The following STAU2 variants were observed in gnomAD, a reference collection of about 807,000 sequenced individuals.
The protein encoded by STAU2 is staufen double-stranded RNA binding protein 2.
Under a neutral mutation model 65.9 loss-of-function variants are expected in STAU2, and 20 were observed. The ratio of observed to expected loss-of-function variants is 0.30; its 90% CI spans 0.21 to 0.44. The LOEUF (loss-of-function observed/expected upper bound fraction) is 0.44, where lower values mean the gene tolerates loss of function less well. Ranked by LOEUF, STAU2 falls within the 20% of genes least tolerant of loss-of-function variation. The probability of loss-of-function intolerance (pLI) is 1.00; values close to 1 mark genes in which losing one functional copy is unlikely to be tolerated. For synonymous variants in STAU2, 232 were observed against 233.9 expected, an observed-to-expected ratio of 0.99 and a Z score of 0.07; for missense variants, 558 against 683.9, an observed-to-expected ratio of 0.82 and a Z score of 2.05.
intron 13 of STAU2, among the ~76,000 whole-genome samples, chr8:73,465,473 A>G (rs796099859): frequency 5.3e-5 from 8 of 152,258 alleles, no homozygotes; most frequent in African/African-American, 1.7e-4. Context: ...GTATTACTGT[A>G]TTTCTTAATT....
chr8:73,576,358 G>A (rs1281720359), intron 12 of STAU2, among the ~76,000 whole-genome samples: 1 of 151,626 alleles, frequency 6.6e-6, no homozygotes, highest in Non-Finnish European at 1.5e-5. Context: ...GGCGGGAGAG[G>A]GCAGAATTCC....
At chr8:73,545,140 A>T (rs551639985) in intron 13 of STAU2, among the ~76,000 whole-genome samples, 1 of 152,340 alleles carries the variant, frequency 6.6e-6, no homozygotes, top group Non-Finnish European at 1.5e-5. Context: ...TGCTGAAATT[A>T]TGGAAACCTC....
chr8:73,656,019 G>C (rs1205716866), intron 6 of STAU2, among the ~76,000 whole-genome samples: 1 of 152,058 alleles, frequency 6.6e-6, no homozygotes, highest in African/African-American at 2.4e-5. Context: ...TCCTGACCTT[G>C]TGATCCGCCC....
chr8:73,633,573 T>G (rs796447411), intron 6 of STAU2, among the ~76,000 whole-genome samples: 12 of 152,304 alleles, frequency 7.9e-5, no homozygotes, highest in African/African-American at 2.9e-4. Context: ...GGGCATGATC[T>G]GACCTTGAGG....
At chr8:73,496,255 C>T (rs111988120) in intron 13 of STAU2, among the ~76,000 whole-genome samples, 2,273 of 151,080 alleles carry the variant, frequency 0.015, 26 homozygotes, top group Middle Eastern at 0.037. Flanking sequence ...TTAGAAAATT[C>T]CAAGATGTTT....
At position 73,646,073 on chromosome 8, in the gene STAU2, T is replaced by A. The variant is rs541134568; in HGVS notation, c.410+27034A>T. Among the ~76,000 whole-genome samples the A allele has an allele frequency of 2.6e-5, 4 of 152,234 alleles. No homozygotes were observed. In the South Asian group the frequency reaches 8.3e-4, roughly 32 times the overall value. On this transcript the variant is annotated intron_variant, in intron 6 of 14. Coordinates refer to ENST00000524300, the MANE Select transcript of STAU2 (RefSeq NM_001164380.2). ...AAATAAAAATGTCCCTATTTAAAGATGAAATAATTGTCTGTGTAGAAAGAA... is the reference window on the plus strand; with the variant it reads ...AAATAAAAATGTCCCTATTTAAAGAAGAAATAATTGTCTGTGTAGAAAGAA...
At chr8:73,646,171 T>G (rs1425417747) in intron 6 of STAU2, among the ~76,000 whole-genome samples, 1 of 152,080 alleles carries the variant, frequency 6.6e-6, no homozygotes, top group East Asian at 1.9e-4. Flanking sequence ...AATACAAAAA[T>G]TGAAATGTAG....
chr8:73,479,712 CGT>C (rs5892422), intron 13 of STAU2, among the ~76,000 whole-genome samples: 17,267 of 143,812 alleles, frequency 0.12, 1,463 homozygotes, highest in East Asian at 0.46. Context: ...CTTAAATATA[CGT>C]GTGTGTGTGT....
At chr8:73,739,216 G>C (rs1455911784) in intron 2 of STAU2, among the ~76,000 whole-genome samples, 2 of 124,932 alleles carry the variant, frequency 1.6e-5, no homozygotes, top group African/African-American at 6.3e-5. Context: ...CTAGGCGACA[G>C]AGCGAGACTC....
At chr8:73,634,659 CCTCTTCACTTA>C (rs1190094005) in intron 6 of STAU2, among the ~76,000 whole-genome samples, 2 of 152,216 alleles carry the variant, frequency 1.3e-5, no homozygotes, top group Admixed American at 6.5e-5. Flanking sequence ...CTACCACTCA[CCTCTTCACTTA>C]CTCTTCTCTA....
intron 13 of STAU2, among the ~76,000 whole-genome samples, chr8:73,487,656 A>T (rs1352743495): frequency 6.6e-6 from 1 of 152,062 alleles, no homozygotes; most frequent in Non-Finnish European, 1.5e-5. Context: ...ATCTTGGGAC[A>T]TCTTAAGAGC....
chr8:73,559,438 G>A (rs559989035), intron 12 of STAU2, among the ~76,000 whole-genome samples: 4 of 152,204 alleles, frequency 2.6e-5, no homozygotes, highest in Non-Finnish European at 4.4e-5. Flanking sequence ...TGACAACTTT[G>A]CTCACGGCCT....
At chr8:73,643,586 A>G (rs758932192) in intron 6 of STAU2, among the ~76,000 whole-genome samples, 6 of 152,154 alleles carry the variant, frequency 3.9e-5, no homozygotes, top group Non-Finnish European at 5.9e-5. Context: ...GACAATATCA[A>G]TTTAAAAACA....
intron 13 of STAU2, among the ~76,000 whole-genome samples, chr8:73,432,640 T>C (rs1179307563): frequency 6.6e-6 from 1 of 152,232 alleles, no homozygotes; most frequent in Admixed American, 6.5e-5. Flanking sequence ...GAATCAATGA[T>C]ATGACTTTTT....
chr8:73,479,681 A>T (rs1381500554), intron 13 of STAU2, among the ~76,000 whole-genome samples: 5 of 128,880 alleles, frequency 3.9e-5, no homozygotes, highest in African/African-American at 1.6e-4. Flanking sequence ...TTTGAGCAGG[A>T]TATCTTCCAA....
intron 5 of STAU2, among the ~76,000 whole-genome samples, chr8:73,687,321 AT>A (rs1194818725): frequency 1.2e-4 from 14 of 118,212 alleles, no homozygotes; most frequent in Admixed American, 5.6e-4. Flanking sequence ...ATTTATATTT[AT>A]ATTTATAAAT....
chr8:73,611,878 C>T (rs1228706411), intron 9 of STAU2, among the ~76,000 whole-genome samples: 1 of 152,084 alleles, frequency 6.6e-6, no homozygotes, highest in Non-Finnish European at 1.5e-5. Context: ...GACCAAGTTT[C>T]GCCATGTTGG....
At chr8:73,581,082 A>C (rs993174563) in intron 12 of STAU2, among the ~76,000 whole-genome samples, 2 of 152,000 alleles carry the variant, frequency 1.3e-5, no homozygotes, top group Non-Finnish European at 2.9e-5. Flanking sequence ...ATTCCTTCCC[A>C]TGTCTGCACA....
chr8:73,594,906 G>A (rs1811074531), intron 11 of STAU2, among the ~76,000 whole-genome samples: 1 of 152,078 alleles, frequency 6.6e-6, no homozygotes, highest in Admixed American at 6.5e-5. Flanking sequence ...CAGTCAACAA[G>A]TTAAAAATGT....
Sources: gnomAD v4.1 joint callset for allele counts (sites outside exome capture counted in the v4.1 genomes callset) on GRCh38, gnomAD v4.1.1 for gene constraint, MANE v1.5 for transcripts, NCBI Gene and HGNC (gene_info 2026-07-23, HGNC 2026-07-21) for gene names.